The following MCM8 variants were observed in gnomAD, a reference collection of about 807,000 sequenced individuals.
MCM8 encodes the protein minichromosome maintenance 8 homologous recombination repair factor.
A neutral mutation model predicts 98.9 loss-of-function variants in MCM8; 85 were observed. The observed-to-expected ratio is 0.86, with a 90% confidence interval of 0.72 to 1.03. The LOEUF is 1.03. Ranked by LOEUF, MCM8 falls within the 50% of genes least tolerant of loss-of-function variation. The pLI is 0.00. For missense variants in MCM8, 951 were observed against 997.8 expected, an observed-to-expected ratio of 0.95 and a Z score of 0.63; for synonymous variants, 352 against 338.6, an observed-to-expected ratio of 1.04 and a Z score of -0.44.
intron 7 of MCM8, among the ~76,000 whole-genome samples, chr20:5,961,666 G>T (rs2089146085): frequency 1.3e-5 from 2 of 152,142 alleles, no homozygotes; most frequent in Non-Finnish European, 2.9e-5. Flanking sequence ...TGAAGACGGG[G>T]TCTCACTCTG....
intron 17 of MCM8, chr20:5,990,811 T>C (rs1326353466): frequency 6.6e-6 from 1 of 152,228 alleles, no homozygotes; most frequent in Non-Finnish European, 1.5e-5. Flanking sequence ...CACTTCTTAT[T>C]TAATGATGAG....
chr20:5,988,964 G>A (rs1390605365), intron 17 of MCM8, among the ~76,000 whole-genome samples: 2 of 152,108 alleles, frequency 1.3e-5, no homozygotes, highest in African/African-American at 2.4e-5. Context: ...TGCCATGGCA[G>A]GTTACACACT....
Position 5,952,426 on chromosome 20 carries a change from C to A in MCM8, c.151C>A (p.Gln51Lys). Residue 51 changes from glutamine to lysine, a missense_variant and splice_region_variant, in exon 3 of 19, where the codon CAA becomes AAA. Coordinates refer to ENST00000610722, the MANE Select transcript of MCM8 (RefSeq NM_032485.6). ...SKTTGKRTSE[Q>K]TPQFLLSTKT... ...ACCTAGTATTTTATTTTTTTCAGAA[C>A]AAACCCCACAGTTTTTGCTTTCAAC... 1 of 1,613,310 alleles carries A rather than the reference C, an allele frequency of 6.2e-7. No homozygotes were observed. The highest frequency in any genetic ancestry group is 8.5e-7 in the Non-Finnish European group (1 of 1,179,804).
rs1475822083 is a variant in MCM8 at position 5,987,336 on chromosome 20, A to G, written c.2218A>G (p.Ile740Val). Reference protein sequence around the residue: ...EEATKEDAEDIVEIMKYSMLG... With the variant: ...EEATKEDAEDVVEIMKYSMLG... ...AGCAACCAAAGAAGACGCTGAGGAT[A>G]TAGTGGAAATTATGAAATATAGGTA... is the stretch of plus-strand genomic sequence containing the variant. Residue 740 changes from isoleucine to valine, a missense_variant, in exon 17 of 19, where the codon ATA becomes GTA. Transcript: ENST00000610722. 2.5e-6 allele frequency: 4 copies of G among 1,612,602 alleles called. No individual in the cohort carries two copies. The highest frequency in any genetic ancestry group is 2.2e-5 in the East Asian group (1 of 44,850).
intron 10 of MCM8, among the ~76,000 whole-genome samples, chr20:5,970,819 T>G (rs2089386578): frequency 6.6e-6 from 1 of 152,134 alleles, no homozygotes; most frequent in African/African-American, 2.4e-5. Flanking sequence ...TTCTCTTAAT[T>G]TTTTTTAGAG....
rs1281794892 is a variant in MCM8 at position 5,998,446 on chromosome 20, C to T, written c.*4055C>T. ...TGTGGTTGAGGAGACATTTAATTTC[C>T]CTGCAGCAGAATTCTTGCAGTCAGT... On this transcript the variant is annotated 3_prime_UTR_variant, in exon 19 of 19. Coordinates refer to ENST00000610722, the MANE Select transcript of MCM8 (RefSeq NM_032485.6). 1 of 152,222 alleles carries T rather than the reference C, an allele frequency of 6.6e-6. No individual in the cohort carries two copies. Among genetic ancestry groups the T allele is most frequent in the Non-Finnish European group, 1.5e-5 (1 of 68,058 alleles). The allele number at this position is 152,222 out of a possible 1,614,324, so 9.4% of individuals were successfully genotyped here.
Position 5,983,166 on chromosome 20 carries a change from G to A in MCM8, c.1733+1G>A. On this transcript the variant is annotated splice_donor_variant, in intron 14 of 18. Transcript: ENST00000610722. LOFTEE classifies it high-confidence loss of function. ...CCAAAACAGTTTCTGAGAATTTAAA[G>A]TAAGTCTCTTCAAATATTTATACCT... 2 of 1,607,688 alleles carry A rather than the reference G, an allele frequency of 1.2e-6. No homozygotes were observed. Among genetic ancestry groups the A allele is most frequent in the Non-Finnish European group, 1.7e-6 (2 of 1,176,486 alleles).
At chr20:5,963,115 G>A (rs1251444843) in intron 7 of MCM8, among the ~76,000 whole-genome samples, 159 bp from the exon 8 acceptor site, 2 of 152,114 alleles carry the variant, frequency 1.3e-5, no homozygotes, top group East Asian at 1.9e-4. Context: ...TGTTGCAGGA[G>A]GAAATAGAAA....
chr20:5,963,453 C>G, intron 8 of MCM8, 94 bp downstream of exon 8: 1 of 867,314 alleles, frequency 1.2e-6, no homozygotes, highest in South Asian at 1.4e-5. Flanking sequence ...TACGTTTTAT[C>G]TAAATGACAA....
chr20:5,952,176 A>C lies in MCM8; in HGVS notation c.148+13A>C. The C allele has an allele frequency of 6.2e-7, 1 of 1,610,942 alleles. No individual in the cohort carries two copies. Among genetic ancestry groups the C allele is most frequent in the South Asian group, 1.1e-5 (1 of 90,620 alleles). On this transcript the variant is annotated intron_variant, in intron 2 of 18. Transcript: ENST00000610722. ...AAACGTACTTCTGGTAGGTGAGGTCAATGATTGTTCAATTTTTTTCACTTA... is the reference window on the plus strand; with the variant it reads ...AAACGTACTTCTGGTAGGTGAGGTCCATGATTGTTCAATTTTTTTCACTTA...
intron 8 of MCM8, among the ~76,000 whole-genome samples, chr20:5,964,208 T>C (rs2089224659): frequency 6.6e-6 from 1 of 151,808 alleles, no homozygotes; most frequent in South Asian, 2.1e-4. Context: ...GCTGTAGATC[T>C]ATAGCTCATC....
intron 13 of MCM8, among the ~76,000 whole-genome samples, chr20:5,982,728 C>T (rs548235170): frequency 6.6e-6 from 1 of 152,250 alleles, no homozygotes; most frequent in South Asian, 2.1e-4. Context: ...GTAATCCTCA[C>T]AACATAGTGC....
At chr20:5,983,945 GA>G (rs2089680722) in intron 14 of MCM8, among the ~76,000 whole-genome samples, 1 of 152,246 alleles carries the variant, frequency 6.6e-6, no homozygotes, top group African/African-American at 2.4e-5. Context: ...TAGTGATTAT[GA>G]GAACGAAAGT....
chr20:5,952,951 C>T (rs892919771), intron 3 of MCM8, among the ~76,000 whole-genome samples: 1 of 152,124 alleles, frequency 6.6e-6, no homozygotes, highest in Non-Finnish European at 1.5e-5. Flanking sequence ...TTGAGGGGCA[C>T]CCTACAAAGC....
chr20:5,956,029 A>T (rs1386997797), intron 5 of MCM8, among the ~76,000 whole-genome samples: 1 of 152,188 alleles, frequency 6.6e-6, no homozygotes, highest in African/African-American at 2.4e-5. Context: ...GGCTTCCTAA[A>T]GTGCTAGGAT....
intron 13 of MCM8, among the ~76,000 whole-genome samples, chr20:5,978,982 T>A (rs940564097): frequency 6.6e-5 from 10 of 152,214 alleles, no homozygotes; most frequent in Admixed American, 6.5e-4. Flanking sequence ...AACCTCTACA[T>A]TGGGCTTTGT....
intron 10 of MCM8, 66 bp downstream of exon 10, chr20:5,968,091 T>A: frequency 6.9e-7 from 1 of 1,439,946 alleles, no homozygotes; most frequent in Non-Finnish European, 9.5e-7. Context: ...TGGCTACAGG[T>A]AACAAAAAAC....
In MCM8 at chr20:5,951,008, C is replaced by T. The variant is rs1046900551; in HGVS notation, c.-21C>T. On this transcript the variant is annotated 5_prime_UTR_variant, in exon 1 of 19. Coordinates refer to ENST00000610722, the MANE Select transcript of MCM8 (RefSeq NM_032485.6). ...GTTGTGAACTAGGAGAGCTTTGGGACCTCTGTCCCAAGCAAGTAAGAACTT... is the reference window on the plus strand; with the variant it reads ...GTTGTGAACTAGGAGAGCTTTGGGATCTCTGTCCCAAGCAAGTAAGAACTT... 5 of 152,188 alleles carry T rather than the reference C, an allele frequency of 3.3e-5. No individual in the cohort carries two copies. Among genetic ancestry groups the T allele is most frequent in the Non-Finnish European group, 4.4e-5 (3 of 68,052 alleles). The allele number at this position is 152,188 out of a possible 1,614,324, so 9.4% of individuals were successfully genotyped here.
chr20:5,987,478 C>T, intron 17 of MCM8, 120 bp downstream of exon 17: 1 of 684,504 alleles, frequency 1.5e-6, no homozygotes, highest in Non-Finnish European at 2.4e-6. Flanking sequence ...TCCTCCTAAA[C>T]AGAGTACCGT....
Sources: gnomAD v4.1 joint callset for allele counts (sites outside exome capture counted in the v4.1 genomes callset) on GRCh38, gnomAD v4.1.1 for gene constraint, MANE v1.5 for transcripts, NCBI Gene and HGNC (gene_info 2026-07-23, HGNC 2026-07-21) for gene names.